The following NACC2 variants were observed in gnomAD, a reference collection of about 807,000 sequenced individuals.
NACC2 encodes nucleus accumbens-associated protein 2.
Under a neutral mutation model 25.1 loss-of-function variants are expected in NACC2, and 8 were observed. The observed-to-expected ratio is 0.32, with a 90% confidence interval of 0.19 to 0.57. The LOEUF (loss-of-function observed/expected upper bound fraction) is 0.57, where lower values mean the gene tolerates loss of function less well. Among genes scored for constraint, NACC2 ranks in the 20% least tolerant of loss-of-function variants. NACC2 has a pLI of 0.89. For synonymous variants in NACC2, 435 were observed against 294.7 expected (o/e 1.48, Z -4.88); for missense variants, 644 against 650.2 (o/e 0.99, Z 0.10).
intron 1 of NACC2, among the ~76,000 whole-genome samples, chr9:136,052,510 A>C (rs1286777576): frequency 6.6e-6 from 1 of 152,026 alleles, no homozygotes; most frequent in African/African-American, 2.4e-5. Context: ...GCAGGGGGTG[A>C]AGAGAGGCAC....
intron 2 of NACC2, among the ~76,000 whole-genome samples, chr9:136,028,309 G>A (rs1158853526): frequency 2.6e-5 from 4 of 151,738 alleles, no homozygotes; most frequent in African/African-American, 4.8e-5. Context: ...GAGGGCCAGA[G>A]AGTAAATACT....
intron 1 of NACC2, among the ~76,000 whole-genome samples, chr9:136,068,560 G>T (rs1841114772): frequency 6.6e-6 from 1 of 151,162 alleles, no homozygotes; most frequent in Non-Finnish European, 1.5e-5. Context: ...TCGTCACTAG[G>T]CAATAGAATT....
chr9:136,077,726 C>G (rs35675747), intron 1 of NACC2, among the ~76,000 whole-genome samples: 1 of 152,238 alleles, frequency 6.6e-6, no homozygotes, highest in African/African-American at 2.4e-5. Flanking sequence ...CCCAAGGACT[C>G]TGGCCACCCC....
chr9:136,015,258 G>A (rs1204941066), intron 3 of NACC2, among the ~76,000 whole-genome samples: 1 of 152,218 alleles, frequency 6.6e-6, no homozygotes, highest in Non-Finnish European at 1.5e-5. Context: ...GGGCCCGCGT[G>A]GGCACCTGCG....
At chr9:136,014,311 T>A (rs1840164445) in intron 3 of NACC2, among the ~76,000 whole-genome samples, 1 of 152,024 alleles carries the variant, frequency 6.6e-6, no homozygotes, top group Middle Eastern at 3.4e-3. Context: ...GAACACACTT[T>A]GTTGTTGTTT....
chr9:136,093,770 G>A lies in NACC2; in HGVS notation c.-60+1419C>T, dbSNP rs541984274. ...GAAAGGCCCCACAGAGGACCAGAGG[G>A]GTGCTCCAACGGTGGCCGGGAGAAG... On this transcript the variant is annotated intron_variant, in intron 1 of 5. Transcript: ENST00000277554. Among the ~76,000 whole-genome samples, 256 of 152,144 alleles carry A rather than the reference G, an allele frequency of 1.7e-3. 2 individuals carry two copies. The highest frequency in any genetic ancestry group is 2.9e-3 in the Non-Finnish European group (200 of 67,946).
At chr9:136,051,515 G>A (rs1255788350) in intron 1 of NACC2, among the ~76,000 whole-genome samples, 4 of 152,192 alleles carry the variant, frequency 2.6e-5, no homozygotes, top group Non-Finnish European at 5.9e-5. Context: ...GACTCCGGAG[G>A]GGGCGGGGGC....
Position 136,008,708 on chromosome 9 carries a change from G to GGCCGCC in NACC2, c.*2802_*2807dup, listed in dbSNP as rs1334939579. 1 of 152,334 alleles carries GGCCGCC rather than the reference G, an allele frequency of 6.6e-6. No individual in the cohort carries two copies. Among genetic ancestry groups the GGCCGCC allele is most frequent in the Non-Finnish European group, 1.5e-5 (1 of 68,128 alleles). 9.4% of individuals were successfully genotyped at this position (152,334 alleles called of 1,614,324 possible). ...ACTCTGGAAGGCCCCTCTGAGCCCG[G>GGCCGCC]GCCGCCGCCCCCGCCCCACGGTACA... is the stretch of plus-strand genomic sequence containing the variant. On this transcript the variant is annotated 3_prime_UTR_variant, in exon 6 of 6. Transcript: ENST00000277554.
intron 1 of NACC2, among the ~76,000 whole-genome samples, chr9:136,081,742 C>T (rs540123274): frequency 2.6e-5 from 4 of 152,222 alleles, no homozygotes; most frequent in African/African-American, 7.2e-5. Context: ...GGGCACCATC[C>T]CCACCAAGTG....
chr9:136,090,896 A>G (rs1040619428), intron 1 of NACC2, among the ~76,000 whole-genome samples: 4 of 151,968 alleles, frequency 2.6e-5, no homozygotes, highest in African/African-American at 9.6e-5. Context: ...GTGACTATAT[A>G]TGGGCACTTT....
intron 2 of NACC2, among the ~76,000 whole-genome samples, chr9:136,034,864 C>A (rs1244551583): frequency 6.6e-6 from 1 of 152,068 alleles, no homozygotes; most frequent in East Asian, 1.9e-4. Context: ...AAGGCACTGG[C>A]GGGCCGATCA....
At chr9:136,016,151 G>C in intron 3 of NACC2, 114 bp downstream of exon 3, 1 of 1,180,974 alleles carries the variant, frequency 8.5e-7, no homozygotes, top group Non-Finnish European at 1.2e-6. Context: ...GGAAATTTAA[G>C]ATTTTTTTTT....
rs568525181 is a variant in NACC2, at chr9:136,019,989, G to A, written c.887-3560C>T. ...AGGCGGGAAACAGAGGGTGGGTGCCGGGGCTGGGTGGGGGAACGGGGAGGG... is the reference window on the plus strand; with the variant it reads ...AGGCGGGAAACAGAGGGTGGGTGCCAGGGCTGGGTGGGGGAACGGGGAGGG... On this transcript the variant is annotated intron_variant, in intron 2 of 5. Transcript: ENST00000277554. The surrounding 1 kb of genome is among the most constrained non-coding windows in gnomAD (Gnocchi z 5.2). Among the ~76,000 whole-genome samples, 11 of 152,032 alleles carry A rather than the reference G, an allele frequency of 7.2e-5. No homozygotes were observed. Among genetic ancestry groups the A allele is most frequent in the Admixed American group, 2.0e-4 (3 of 15,282 alleles).
At chr9:136,041,405 G>A (rs1840630481) in intron 2 of NACC2, among the ~76,000 whole-genome samples, 1 of 150,652 alleles carries the variant, frequency 6.6e-6, no homozygotes, top group East Asian at 1.9e-4. Flanking sequence ...GGGTAAGAGT[G>A]AGACATGATC....
Position 136,011,869 on chromosome 9 carries a change from C to T in NACC2, c.1411G>A (p.Gly471Ser). ...AGGGGCACGCTGGCGGCGGCGGAGC[C>T]CATGACCGTGCGGTACATCTCCACG... is the stretch of plus-strand genomic sequence containing the variant. ...EGVEMYRTVM[G>S]SAAASVPLDP... Residue 471 changes from glycine to serine, a missense_variant, in exon 6 of 6, where the codon GGC becomes AGC. Transcript: ENST00000277554. The T allele has an allele frequency of 6.4e-7, 1 of 1,567,254 alleles. No individual in the cohort carries two copies. The highest frequency in any genetic ancestry group is 8.6e-7 in the Non-Finnish European group (1 of 1,160,124).
At chr9:136,025,956 A>G (rs1840380681) in intron 2 of NACC2, among the ~76,000 whole-genome samples, 1 of 152,158 alleles carries the variant, frequency 6.6e-6, no homozygotes, top group African/African-American at 2.4e-5. Context: ...TATGAACTCA[A>G]AAGAATTATT....
chr9:136,010,144 C>T lies in NACC2; in HGVS notation c.*1372G>A, dbSNP rs79653069. ...GGAAGCACTCCAGCCTCAAACCAAA[C>T]AGCCCCATCTTCCATGGGCCCTTCC... is the stretch of plus-strand genomic sequence containing the variant. On this transcript the variant is annotated 3_prime_UTR_variant, in exon 6 of 6. Transcript: ENST00000277554. The surrounding 1 kb of genome is among the most constrained non-coding windows in gnomAD (Gnocchi z 4.9). 0.12 allele frequency: 18,927 copies of T among 152,424 alleles called. 1,352 individuals are homozygous for T. The highest frequency in any genetic ancestry group is 0.27 in the East Asian group (1,417 of 5,158). 9.4% of individuals were successfully genotyped at this position (152,424 alleles called of 1,614,324 possible).
chr9:136,087,695 C>T (rs1330992236), intron 1 of NACC2, among the ~76,000 whole-genome samples: 1 of 152,176 alleles, frequency 6.6e-6, no homozygotes, highest in Non-Finnish European at 1.5e-5. Flanking sequence ...TGGTGTTTGC[C>T]CAGCTTCCAC....
intron 2 of NACC2, among the ~76,000 whole-genome samples, chr9:136,032,895 G>A: frequency 6.6e-6 from 1 of 152,152 alleles, no homozygotes; most frequent in Admixed American, 6.5e-5. Flanking sequence ...GCAGGCGCCT[G>A]TAATCCCAGC....
Sources: allele counts gnomAD v4.1 joint callset (sites outside exome capture counted in the v4.1 genomes callset), GRCh38; gene constraint gnomAD v4.1.1; non-coding constraint Gnocchi (gnomAD v3.1); transcripts MANE v1.5; gene names NCBI Gene and HGNC (gene_info 2026-07-23, HGNC 2026-07-21).